Variants in NLRC3 observed in about 807,000 individuals in gnomAD.
NLRC3 encodes NLR family CARD domain-containing protein 3.
Under a neutral mutation model 91.6 loss-of-function variants are expected in NLRC3, and 87 were observed. The ratio of observed to expected loss-of-function variants is 0.95; its 90% CI spans 0.80 to 1.14. NLRC3 has a LOEUF of 1.14. Among genes scored for constraint, NLRC3 ranks in the 50% most tolerant of loss-of-function variants. The pLI is 0.00. For missense variants in NLRC3, 1,577 were observed against 1,418.6 expected (o/e 1.11, Z -1.79); for synonymous variants, 694 against 625.3 (o/e 1.11, Z -1.64).
chr16:3,563,295 C>A lies in NLRC3; in HGVS notation c.1642G>T (p.Glu548Ter). 1 of 1,602,410 alleles carries A rather than the reference C, an allele frequency of 6.2e-7. No homozygotes were observed. The highest frequency in any genetic ancestry group is 2.2e-5 in the East Asian group (1 of 44,564). Residue 548 changes from glutamate to a stop codon, truncating the protein, a stop_gained, in exon 5 of 20, where the codon GAG becomes TAG. Transcript: ENST00000359128. LOFTEE classifies it high-confidence loss of function. Reference sequence around the variant, plus strand: ...GGGCGCAGGCAGCCCTGCAGGAGCTCAGCCACCTGGGTCCGGTAGGCCTGG... The same window carrying A: ...GGGCGCAGGCAGCCCTGCAGGAGCTAAGCCACCTGGGTCCGGTAGGCCTGG... ...EHQAYRTQVA[E>*]LLQGCLRPDA...
At chr16:3,556,743 T>TC (rs919968183) in intron 8 of NLRC3, among the ~76,000 whole-genome samples, 168 bp downstream of exon 8, 91 of 152,184 alleles carry the variant, frequency 6.0e-4, no homozygotes, top group African/African-American at 2.1e-3. Context: ...CCTCAAGCGA[T>TC]CCACCTGTCT....
chr16:3,564,192 T>A lies in NLRC3; in HGVS notation c.745A>T (p.Ile249Phe). ...AGGTTGCCACGGATGATGTTGGTGA[T>A]CAGGTGGTCCACCGGGATCTCCTTC... Reference protein sequence around the residue: ...PKKEIPVDHLITNIIRGNLFP... With the variant: ...PKKEIPVDHLFTNIIRGNLFP... Residue 249 changes from isoleucine to phenylalanine, a missense_variant, in exon 5 of 20, where the codon ATC becomes TTC. By Grantham distance (21) the Ile-to-Phe change is conservative. Transcript: ENST00000359128. This position sits in a 1 kb window ranked among gnomAD's most constrained non-coding sequence, Gnocchi z 5.9. The A allele has an allele frequency of 6.2e-7, 1 of 1,613,486 alleles. No homozygotes were observed. The highest frequency in any genetic ancestry group is 8.5e-7 in the Non-Finnish European group (1 of 1,179,878).
chr16:3,563,397 G>A lies in NLRC3; in HGVS notation c.1540C>T (p.Leu514=). 1 of 1,579,918 alleles carries A rather than the reference G, an allele frequency of 6.3e-7. No homozygotes were observed. The change falls in exon 5 of 20, where the codon CTG becomes TTG. Residue 514 remains leucine (L), a synonymous_variant. Transcript: ENST00000359128. ...GACAAGAGGCCGGAGAGGAAGCGCA[G>A]GAACACGTCCAGCCTCCCGTCCTCT... The part of the protein sequence containing the change: ...QAEDGRLDVF[L]RFLSGLLSPR...
rs1409432540 is a variant in NLRC3 at position 3,549,753 on chromosome 16, T to C, written c.2463A>G (p.Ala821=). The change falls in exon 12 of 20, where the codon GCA becomes GCG. Residue 821 remains alanine, a synonymous_variant. Coordinates refer to ENST00000359128, the MANE Select transcript of NLRC3 (RefSeq NM_178844.4). The stretch of plus-strand genomic sequence containing the variant: ...GGGCCCCCATCAGTGCTGCCACTCC[T>C]GCGTCACTGATGGAATTGCTCTGCA... ...LDLQSNSISD[A]GVAALMGALC... is the part of the protein sequence containing the mutation. The C allele has an allele frequency of 6.4e-7, 1 of 1,551,068 alleles. No homozygotes were observed. Among genetic ancestry groups the C allele is most frequent in the Non-Finnish European group, 8.7e-7 (1 of 1,146,812 alleles).
chr16:3,562,538 G>T (rs1035533618), intron 5 of NLRC3, among the ~76,000 whole-genome samples: 1 of 152,184 alleles, frequency 6.6e-6, no homozygotes, highest in Non-Finnish European at 1.5e-5. Context: ...CTACTAGGGA[G>T]GCTGAGGCAG....
intron 11 of NLRC3, 150 bp from the exon 12 acceptor site, chr16:3,549,930 C>T (rs916322233): frequency 1.7e-6 from 1 of 605,902 alleles, no homozygotes; most frequent in Non-Finnish European, 2.9e-6. Flanking sequence ...TCTCATCTCT[C>T]TTTCCTCTCC....
chr16:3,562,683 G>A (rs2039663283), intron 5 of NLRC3, among the ~76,000 whole-genome samples: 5 of 150,254 alleles, frequency 3.3e-5, no homozygotes, highest in Non-Finnish European at 5.9e-5. Context: ...CAGACACAGG[G>A]AGAAGATGAC....
At chr16:3,567,544 C>A (rs1044236194) in intron 1 of NLRC3, among the ~76,000 whole-genome samples, 1 of 151,984 alleles carries the variant, frequency 6.6e-6, no homozygotes, top group Non-Finnish European at 1.5e-5. Context: ...GAGGCTGAGG[C>A]AGGCGGATCA....
At chr16:3,565,175 C>A (rs1232420632) in intron 3 of NLRC3, 115 bp from the exon 4 acceptor site, 5 of 818,128 alleles carry the variant, frequency 6.1e-6, no homozygotes, top group Non-Finnish European at 9.9e-6. Context: ...CTTTCCTCAG[C>A]CTTTGGGTGG....
At position 3,565,375 on chromosome 16, in the gene NLRC3, T is replaced by G. The variant is rs1280551784; in HGVS notation, c.-81A>C. ...CTCTCTGCGCCTTGGTGTCTTCATTTGTGACCTGGAAATGATGATGAGGTT... is the reference window on the plus strand; with the variant it reads ...CTCTCTGCGCCTTGGTGTCTTCATTGGTGACCTGGAAATGATGATGAGGTT... On this transcript the variant is annotated 5_prime_UTR_variant, in exon 3 of 20. Coordinates refer to ENST00000359128, the MANE Select transcript of NLRC3 (RefSeq NM_178844.4). 1.8e-6 allele frequency: 1 copy of G among 561,798 alleles called. No individual in the cohort carries two copies. The allele number at this position is 561,798 out of a possible 1,614,324, so 34.8% of individuals were successfully genotyped here.
Position 3,564,647 on chromosome 16 carries a change from G to T in NLRC3, c.290C>A (p.Thr97Lys). ...LASLLLVEGL[T>K]DLQLREHDFT... Reference sequence around the variant, plus strand: ...GTCGTGTTCCCTCAGCTGCAGGTCCGTCAGGCCCTCCACCAGCAGGAGGGA... The same window carrying T: ...GTCGTGTTCCCTCAGCTGCAGGTCCTTCAGGCCCTCCACCAGCAGGAGGGA... Residue 97 changes from threonine (T) to lysine (K), a missense_variant, in exon 5 of 20, where the codon ACG (threonine) becomes AAG (lysine). Coordinates refer to ENST00000359128, the MANE Select transcript of NLRC3 (RefSeq NM_178844.4). The surrounding 1 kb of genome is among the most constrained non-coding windows in gnomAD (Gnocchi z 5.9). The T allele has an allele frequency of 1.9e-6, 3 of 1,606,674 alleles. No individual in the cohort carries two copies. Among genetic ancestry groups the T allele is most frequent in the Non-Finnish European group, 2.5e-6 (3 of 1,179,660 alleles).
chr16:3,564,746 T>G lies in NLRC3; in HGVS notation c.191A>C (p.Gln64Pro). ...LGPCSNDSRIQRHRKALLSKV... is the reference protein window; with the variant it reads ...LGPCSNDSRIPRHRKALLSKV... ...GCTCAGCAGGGCCTTGCGGTGCCTCTGTATCCTTGAGTCTGCGGGACAGAG... is the reference window on the plus strand; with the variant it reads ...GCTCAGCAGGGCCTTGCGGTGCCTCGGTATCCTTGAGTCTGCGGGACAGAG... The change falls in exon 5 of 20, where the codon CAG becomes CCG. Residue 64 changes from glutamine (Q) to proline (P), a missense_variant. Physicochemically the swap from Gln to Pro is moderately conservative, Grantham distance 76. Coordinates refer to ENST00000359128, the MANE Select transcript of NLRC3 (RefSeq NM_178844.4). The surrounding 1 kb of genome is among the most constrained non-coding windows in gnomAD (Gnocchi z 5.9). The G allele has an allele frequency of 6.3e-7, 1 of 1,582,970 alleles. No individual in the cohort carries two copies.
At position 3,563,605 on chromosome 16, in the gene NLRC3, C is replaced by T. The variant is rs759384434; in HGVS notation, c.1332G>A (p.Thr444=). The T allele has an allele frequency of 6.8e-6, 11 of 1,613,132 alleles. No individual in the cohort carries two copies. The highest frequency in any genetic ancestry group is 7.6e-6 in the Non-Finnish European group (9 of 1,179,776). ...AGCAGTAGGCCACTGACGATGCCAACGTCTCCTCTCTCTGCAGGAAGCAGC... is the reference window on the plus strand; with the variant it reads ...AGCAGTAGGCCACTGACGATGCCAATGTCTCCTCTCTCTGCAGGAAGCAGC... ...PCSCFLQREE[T]LASSVAYCFT... is the part of the protein sequence containing the mutation. The change falls in exon 5 of 20, where the codon ACG becomes ACA. Residue 444 remains threonine, a synonymous_variant. Transcript: ENST00000359128.
At chr16:3,561,645 G>A in intron 6 of NLRC3, 57 bp downstream of exon 6, 1 of 1,190,122 alleles carries the variant, frequency 8.4e-7, no homozygotes, top group Non-Finnish European at 1.3e-6. Context: ...GATGGGAAGA[G>A]GGTTCCATAC....
chr16:3,548,320 A>G (rs138700573), intron 14 of NLRC3, 102 bp from the exon 15 acceptor site: 13,948 of 893,092 alleles, frequency 0.016, 211 homozygotes, highest in South Asian at 0.032. Flanking sequence ...TCCCTGCAGG[A>G]TGTGGCAGGA....
intron 1 of NLRC3, among the ~76,000 whole-genome samples, chr16:3,570,477 G>C (rs750054174): frequency 6.6e-6 from 1 of 152,148 alleles, no homozygotes; most frequent in African/African-American, 2.4e-5. Context: ...AGGGATAATG[G>C]CAATGGAAAG....
intron 6 of NLRC3, among the ~76,000 whole-genome samples, chr16:3,559,539 A>G (rs1216447690): frequency 3.9e-5 from 6 of 152,182 alleles, no homozygotes; most frequent in African/African-American, 9.7e-5. Context: ...AAGCAAAACT[A>G]AAAGTTGGCT....
intron 17 of NLRC3, 42 bp from the exon 18 acceptor site, chr16:3,542,817 G>A: frequency 7.2e-7 from 1 of 1,395,284 alleles, no homozygotes; most frequent in Non-Finnish European, 1.0e-6. Context: ...GGTACAGGCT[G>A]AGAGGTGATA....
chr16:3,573,670 C>A (rs1339945229), intron 1 of NLRC3, among the ~76,000 whole-genome samples: 1 of 152,156 alleles, frequency 6.6e-6, no homozygotes, highest in Non-Finnish European at 1.5e-5. Flanking sequence ...GAGAGGACTG[C>A]GTGGAAGAAG....
Sources: allele counts gnomAD v4.1 joint callset (sites outside exome capture counted in the v4.1 genomes callset), GRCh38; gene constraint gnomAD v4.1.1; non-coding constraint Gnocchi (gnomAD v3.1); transcripts MANE v1.5; gene names NCBI Gene and HGNC (gene_info 2026-07-23, HGNC 2026-07-21).